The following CAPZA2 variants were observed in gnomAD, a reference collection of about 807,000 sequenced individuals.
CAPZA2 encodes the protein F-actin-capping protein subunit alpha-2.
CAPZA2 carries 13 observed loss-of-function variants against 44.0 expected under a neutral mutation model. The ratio of observed to expected loss-of-function variants is 0.30; its 90% confidence interval spans 0.19 to 0.47. The LOEUF (loss-of-function observed/expected upper bound fraction) is 0.47. Ranked by LOEUF, CAPZA2 falls within the 20% of genes least tolerant of loss-of-function variation. The pLI is 1.00. For missense variants in CAPZA2, 244 were observed against 338.6 expected, an observed-to-expected ratio of 0.72 and a Z score of 2.19; for synonymous variants, 94 against 108.2, an observed-to-expected ratio of 0.87 and a Z score of 0.81.
At chr7:116,870,165 G>A (rs1437166372) in intron 1 of CAPZA2, among the ~76,000 whole-genome samples, 1 of 152,170 alleles carries the variant, frequency 6.6e-6, no homozygotes, top group Non-Finnish European at 1.5e-5. Flanking sequence ...AAAGTGTAGC[G>A]ATCACCTGGA....
At chr7:116,883,260 T>C (rs1049524748) in intron 1 of CAPZA2, among the ~76,000 whole-genome samples, 2 of 152,214 alleles carry the variant, frequency 1.3e-5, no homozygotes, top group Admixed American at 1.3e-4. Context: ...TCTTGGGACC[T>C]ACCTATTGTT....
chr7:116,921,247 G>A lies in CAPZA2; in HGVS notation c.*3380G>A, dbSNP rs1342555639. 1 of 152,448 alleles carries A rather than the reference G, an allele frequency of 6.6e-6. No homozygotes were observed. Among genetic ancestry groups the A allele is most frequent in the Non-Finnish European group, 1.5e-5 (1 of 68,326 alleles). 9.4% of individuals were successfully genotyped at this position (152,448 alleles called of 1,614,324 possible). A position where few individuals can be genotyped will look rare whatever the true frequency, so the allele number is the denominator to read the frequency against. The stretch of plus-strand genomic sequence containing the variant: ...AAAAATACAAAAATTAGCTGGGCGT[G>A]GTGGTGTGCCTGTAGTCCCAGCTAC... On this transcript the variant is annotated 3_prime_UTR_variant, in exon 10 of 10. Coordinates refer to ENST00000361183, the MANE Select transcript of CAPZA2 (RefSeq NM_006136.3).
Position 116,911,060 on chromosome 7 carries a change from G to A in CAPZA2, c.585+749G>A, listed in dbSNP as rs181651789. ...TTAGTTAATATGGCTAAAAGGGTTA[G>A]GACAGACAGACACCAAGTACTCGAT... is the stretch of plus-strand genomic sequence containing the variant. On this transcript the variant is annotated intron_variant, in intron 7 of 9. Coordinates refer to ENST00000361183, the MANE Select transcript of CAPZA2 (RefSeq NM_006136.3). Among the ~76,000 whole-genome samples, 36 of 150,890 alleles carry A rather than the reference G, an allele frequency of 2.4e-4. No individual in the cohort carries two copies. The East Asian group carries it at 6.1e-3, about 25-fold the overall frequency.
chr7:116,862,842 GTC>G, intron 1 of CAPZA2, among the ~76,000 whole-genome samples, 192 bp downstream of exon 1: 1 of 152,168 alleles, frequency 6.6e-6, no homozygotes, highest in African/African-American at 2.4e-5. Context: ...GCGGGGGCAG[GTC>G]TCTGCCAGGC....
At chr7:116,886,480 T>G (rs1729607504) in intron 1 of CAPZA2, among the ~76,000 whole-genome samples, 1 of 152,192 alleles carries the variant, frequency 6.6e-6, no homozygotes, top group South Asian at 2.1e-4. Context: ...CATGCACACA[T>G]AACACATACA....
At chr7:116,911,557 A>G (rs973158807) in intron 7 of CAPZA2, among the ~76,000 whole-genome samples, 3 of 152,190 alleles carry the variant, frequency 2.0e-5, no homozygotes, top group Admixed American at 6.5e-5. Flanking sequence ...TACTGCTAAC[A>G]TACTTTATAC....
intron 3 of CAPZA2, among the ~76,000 whole-genome samples, chr7:116,897,136 T>C (rs895695080): frequency 2.0e-5 from 3 of 152,136 alleles, no homozygotes; most frequent in African/African-American, 7.2e-5. Flanking sequence ...AATAAAAGGC[T>C]TTCAGTCCAG....
intron 6 of CAPZA2, chr7:116,909,851 T>G (rs909308552): frequency 1.1e-4 from 21 of 193,560 alleles, no homozygotes; most frequent in African/African-American, 4.9e-4. Context: ...TAGTTTTGTA[T>G]TGGTTTTTGT....
chr7:116,912,251 G>A, intron 8 of CAPZA2, 111 bp downstream of exon 8: 1 of 1,485,126 alleles, frequency 6.7e-7, no homozygotes, highest in South Asian at 1.3e-5. Context: ...CGTGTTTTCT[G>A]ATAGATTAAA....
rs761052257 is a variant in CAPZA2, at chr7:116,920,148, G to C, written c.*2281G>C. On this transcript the variant is annotated 3_prime_UTR_variant, in exon 10 of 10. Coordinates refer to ENST00000361183, the MANE Select transcript of CAPZA2 (RefSeq NM_006136.3). Reference sequence around the variant, plus strand: ...TAATCCCAACTACTCAGGAGGCTGAGACAGGAGAATCATTTGAACCCGGGA... The same window carrying C: ...TAATCCCAACTACTCAGGAGGCTGACACAGGAGAATCATTTGAACCCGGGA... 24 of 151,774 alleles carry C rather than the reference G, an allele frequency of 1.6e-4. No individual in the cohort carries two copies. The highest frequency in any genetic ancestry group is 5.1e-4 in the African/African-American group (21 of 41,278). The allele number at this position is 151,774 out of a possible 1,614,324, so 9.4% of individuals were successfully genotyped here.
In CAPZA2 at chr7:116,911,979, T is replaced by C. The variant is rs969902382; in HGVS notation, c.586-90T>C. On this transcript the variant is annotated intron_variant, in intron 7 of 9. Transcript: ENST00000361183. ...AGAAGTCTAGACTAGAGCTGAAATA[T>C]GTAGTCAGTCTGCATTGATATGCTT... 51 of 1,577,548 alleles carry C rather than the reference T, an allele frequency of 3.2e-5. No individual in the cohort carries two copies. The South Asian group carries it at 4.1e-4, about 13-fold the overall frequency.
chr7:116,914,442 C>CACACAG (rs2115983651), intron 8 of CAPZA2, among the ~76,000 whole-genome samples: 1 of 146,696 alleles, frequency 6.8e-6, no homozygotes, highest in Admixed American at 6.8e-5. Flanking sequence ...TACACACACA[C>CACACAG]ACACACACAC....
intron 1 of CAPZA2, 48 bp downstream of exon 1, chr7:116,862,698 C>T: frequency 1.3e-6 from 2 of 1,501,728 alleles, no homozygotes; most frequent in Admixed American, 4.3e-5. Flanking sequence ...GCCGGCTCAG[C>T]CCGGGCGGGT....
chr7:116,905,459 T>C (rs1791484956), intron 5 of CAPZA2, among the ~76,000 whole-genome samples: 1 of 152,128 alleles, frequency 6.6e-6, no homozygotes, highest in Non-Finnish European at 1.5e-5. Context: ...ATATCCTAGT[T>C]TATACCTGCT....
In CAPZA2 at chr7:116,905,845, T is replaced by C. The variant is rs1038187602; in HGVS notation, c.427-418T>C. On this transcript the variant is annotated intron_variant, in intron 5 of 9. Transcript: ENST00000361183. ...AGTAAGTTAATTTATTCCAGTACTT[T>C]TAAGTGACTAAAGAAACAGCAGCCC... Among the ~76,000 whole-genome samples, 5 of 152,334 alleles carry C rather than the reference T, an allele frequency of 3.3e-5. No individual in the cohort carries two copies. The South Asian group carries it at 1.0e-3, about 32-fold the overall frequency.
At chr7:116,867,564 ACTAGTCCATTTCT>A (rs1796497377) in intron 1 of CAPZA2, among the ~76,000 whole-genome samples, 2 of 149,776 alleles carry the variant, frequency 1.3e-5, no homozygotes, top group Middle Eastern at 3.2e-3. Flanking sequence ...AGAGCTGCAT[ACTAGTCCATTTCT>A]CTCTCTTTTT....
At chr7:116,879,124 C>CAA (rs71148337) in intron 1 of CAPZA2, among the ~76,000 whole-genome samples, 9,098 of 45,056 alleles carry the variant, frequency 0.2, 1,188 homozygotes, top group East Asian at 0.38. Context: ...AACTCTGTCT[C>CAA]AAAAAAAAAA....
intron 8 of CAPZA2, among the ~76,000 whole-genome samples, chr7:116,912,403 TCAC>T (rs1409639368): frequency 1.3e-5 from 2 of 152,086 alleles, no homozygotes; most frequent in East Asian, 3.8e-4. Flanking sequence ...TGGACAGCAG[TCAC>T]CACAATCTAA....
intron 1 of CAPZA2, chr7:116,873,578 A>C (rs1796579164): frequency 6.5e-6 from 1 of 153,992 alleles, no homozygotes; most frequent in African/African-American, 2.4e-5. Context: ...TGTTCAGCAA[A>C]GGCACTAGAA....
Sources: gnomAD v4.1 joint callset for allele counts (sites outside exome capture counted in the v4.1 genomes callset) on GRCh38, gnomAD v4.1.1 for gene constraint, MANE v1.5 for transcripts, NCBI Gene and HGNC (gene_info 2026-07-23, HGNC 2026-07-21) for gene names.